COL28A1: variants seen among roughly 807,000 people sequenced by gnomAD.
The protein encoded by COL28A1 is collagen alpha-1(XXVIII) chain.
A neutral mutation model predicts 150.2 loss-of-function variants in COL28A1; 161 were observed. The observed-to-expected ratio is 1.07, with a 90% confidence interval of 0.94 to 1.22. The LOEUF is 1.22. Among genes scored for constraint, COL28A1 ranks in the 50% most tolerant of loss-of-function variants. The pLI, the probability that COL28A1 is intolerant of heterozygous loss-of-function variation, is 0.00. For synonymous variants in COL28A1, 552 were observed against 469.7 expected (o/e 1.18, Z -2.26); for missense variants, 1,617 against 1,388.3 (o/e 1.16, Z -2.62).
At chr7:7,416,886 A>C (rs189352527) in intron 27 of COL28A1, among the ~76,000 whole-genome samples, 5 of 152,292 alleles carry the variant, frequency 3.3e-5, no homozygotes, top group Non-Finnish European at 2.9e-5. Context: ...ACTGACTAAG[A>C]AGTTCTGCTA....
At chr7:7,511,059 A>T (rs2115146334) in intron 9 of COL28A1, 32 bp downstream of exon 9, 8 of 1,593,958 alleles carry the variant, frequency 5.0e-6, no homozygotes, top group Non-Finnish European at 6.9e-6. Context: ...AAGGGATCAC[A>T]GCTGTAAGCA....
chr7:7,417,396 C>T (rs961916796), intron 27 of COL28A1, among the ~76,000 whole-genome samples: 1 of 149,854 alleles, frequency 6.7e-6, no homozygotes. Context: ...TGGGAAAGGG[C>T]ATTAGTACTA....
chr7:7,380,743 A>G, intron 29 of COL28A1, 39 bp downstream of exon 29: 2 of 1,612,572 alleles, frequency 1.2e-6, no homozygotes, highest in Non-Finnish European at 1.7e-6. Context: ...GGAACCAGTT[A>G]GAGTATAAAA....
rs938468961 is a variant in COL28A1 at position 7,380,467 on chromosome 7, T to C, written c.2322+193A>G. Among the ~76,000 whole-genome samples, 3 of 152,200 alleles carry C rather than the reference T, an allele frequency of 2.0e-5. No individual in the cohort carries two copies. The East Asian group carries it at 5.8e-4, about 29-fold the overall frequency. On this transcript the variant is annotated intron_variant, in intron 30 of 34. Coordinates refer to ENST00000399429, the MANE Select transcript of COL28A1 (RefSeq NM_001037763.3). ...CACCCACCACAAGGCAGGACAAGGT[T>C]TTATCTCTCCCCTCATAGTCAGATT...
upstream of COL28A1, among the ~76,000 whole-genome samples, chr7:7,539,818 G>A (rs772139629): frequency 6.6e-6 from 1 of 151,862 alleles, no homozygotes; most frequent in Non-Finnish European, 1.5e-5. Flanking sequence ...ACAGCAACAC[G>A]GACTCAATTA....
intron 25 of COL28A1, among the ~76,000 whole-genome samples, chr7:7,427,410 A>T (rs934942575): frequency 2.6e-5 from 4 of 152,206 alleles, no homozygotes; most frequent in African/African-American, 9.7e-5. Context: ...CCTTAACTTC[A>T]TTAAGTCTGT....
intron 11 of COL28A1, among the ~76,000 whole-genome samples, chr7:7,505,018 T>C (rs923019431): frequency 3.3e-5 from 5 of 152,194 alleles, no homozygotes; most frequent in East Asian, 1.9e-4. Context: ...GAATTAATCA[T>C]AGGCAAGAAG....
intron 27 of COL28A1, among the ~76,000 whole-genome samples, chr7:7,397,250 C>T (rs1302858028): frequency 6.6e-6 from 1 of 152,058 alleles, no homozygotes; most frequent in African/African-American, 2.4e-5. Context: ...AGTTTTCCTC[C>T]ATCTTCCTGC....
At chr7:7,366,253 T>C (rs1293147436) in intron 33 of COL28A1, among the ~76,000 whole-genome samples, 1 of 152,192 alleles carries the variant, frequency 6.6e-6, no homozygotes, top group Non-Finnish European at 1.5e-5. Context: ...TCATTCATCA[T>C]GAGATATACC....
intron 27 of COL28A1, among the ~76,000 whole-genome samples, chr7:7,388,965 T>C (rs1173419827): frequency 6.6e-6 from 1 of 152,226 alleles, no homozygotes; most frequent in Non-Finnish European, 1.5e-5. Flanking sequence ...ACTCTGATGA[T>C]AGTTTCTTTT....
intron 27 of COL28A1, among the ~76,000 whole-genome samples, chr7:7,397,667 G>A (rs1459480749): frequency 2.0e-5 from 3 of 152,184 alleles, no homozygotes; most frequent in Non-Finnish European, 4.4e-5. Context: ...TCAGGCGTGA[G>A]CTTCAACTAT....
At chr7:7,405,377 T>C (rs551063106) in intron 27 of COL28A1, among the ~76,000 whole-genome samples, 4 of 152,304 alleles carry the variant, frequency 2.6e-5, no homozygotes, top group Admixed American at 2.6e-4. Context: ...TGTGGAAGAT[T>C]TATTTCTTTC....
intron 11 of COL28A1, among the ~76,000 whole-genome samples, chr7:7,499,579 A>G (rs1043939001): frequency 2.0e-5 from 3 of 152,302 alleles, no homozygotes; most frequent in Admixed American, 1.3e-4. Context: ...AATTATAAGG[A>G]ATTATATCCT....
intron 23 of COL28A1, among the ~76,000 whole-genome samples, chr7:7,433,638 A>T (rs1446881334): frequency 3.5e-5 from 2 of 57,648 alleles, no homozygotes; most frequent in African/African-American, 1.1e-4. Flanking sequence ...TGTCTCATTT[A>T]AAAAAAAAAA....
rs1252936899 is a variant in COL28A1 at position 7,511,101 on chromosome 7, T to C, written c.917A>G (p.Lys306Arg). 1 of 1,613,174 alleles carries C rather than the reference T, an allele frequency of 6.2e-7. No individual in the cohort carries two copies. The highest frequency in any genetic ancestry group is 8.5e-7 in the Non-Finnish European group (1 of 1,179,386). ...AAACATGTTCCTTACCTTGTCACCT[T>C]TTATCCCTGGTTTACCACATTCCCC... Reference protein sequence around the residue: ...ERGECGKPGIKGDKGSPGPYG... With the variant: ...ERGECGKPGIRGDKGSPGPYG... The change falls in exon 9 of 35, where the codon AAA (lysine) becomes AGA (arginine). Residue 306 changes from lysine to arginine, a missense_variant. Lys to Arg is a conservative substitution (Grantham distance 26, BLOSUM62 2). Coordinates refer to ENST00000399429, the MANE Select transcript of COL28A1 (RefSeq NM_001037763.3).
In COL28A1 at chr7:7,456,183, G is replaced by A. The variant is rs551903371; in HGVS notation, c.1303-71C>T. On this transcript the variant is annotated intron_variant, in intron 15 of 34. Transcript: ENST00000399429. ...TATTATTTCATACTTTGCTAACCTGGAATTGGGCTGTGTTAAAATCTATCT... is the reference window on the plus strand; with the variant it reads ...TATTATTTCATACTTTGCTAACCTGAAATTGGGCTGTGTTAAAATCTATCT... The A allele has an allele frequency of 5.9e-6, 9 of 1,536,192 alleles. No individual in the cohort carries two copies. The East Asian group carries it at 1.4e-4, about 24-fold the overall frequency.
chr7:7,388,795 A>C (rs1369580290), intron 27 of COL28A1, among the ~76,000 whole-genome samples: 3 of 152,144 alleles, frequency 2.0e-5, no homozygotes, highest in Non-Finnish European at 4.4e-5. Flanking sequence ...GACTACATAT[A>C]TGTCTTCTTT....
At chr7:7,348,797 G>C in the COL28A1 span, among the ~76,000 whole-genome samples, 1 of 152,044 alleles carries the variant, frequency 6.6e-6, no homozygotes, top group South Asian at 2.1e-4. Context: ...TATTTTTTAA[G>C]AGTGGCACAA....
Position 7,444,486 on chromosome 7 carries a change from C to T in COL28A1, c.1513G>A (p.Glu505Lys). Residue 505 changes from glutamate to lysine, a missense_variant, in exon 19 of 35, where the codon GAG (glutamate) becomes AAG (lysine). Glu to Lys is a moderately conservative substitution (Grantham distance 56). Transcript: ENST00000399429. Reference protein sequence around the residue: ...VGIGVQGPKGEPGSIGLPGQP... With the variant: ...VGIGVQGPKGKPGSIGLPGQP... ...CCTGGGAGCCCTATTGAGCCTGGCT[C>T]TCCCTGGTGAATGAACAAATATTTT... is the stretch of plus-strand genomic sequence containing the variant. 1 of 1,613,806 alleles carries T rather than the reference C, an allele frequency of 6.2e-7. No homozygotes were observed. Among genetic ancestry groups the T allele is most frequent in the Non-Finnish European group, 8.5e-7 (1 of 1,179,834 alleles).
Sources: gnomAD v4.1 joint callset for allele counts (sites outside exome capture counted in the v4.1 genomes callset) on GRCh38, gnomAD v4.1.1 for gene constraint, MANE v1.5 for transcripts, NCBI Gene and HGNC (gene_info 2026-07-23, HGNC 2026-07-21) for gene names.